The following NALF1 variants were observed in gnomAD, a reference collection of about 807,000 sequenced individuals.
The protein encoded by NALF1 is NALCN channel auxiliary factor 1.
Under a neutral mutation model 48.4 loss-of-function variants are expected in NALF1, and 3 were observed. The ratio of observed to expected loss-of-function variants is 0.06; its 90% CI spans 0.03 to 0.16. The LOEUF is 0.16. Among genes scored for constraint, NALF1 ranks in the 10% least tolerant of loss-of-function variants. The pLI, the probability that NALF1 is intolerant of heterozygous loss-of-function variation, is 1.00. For missense variants in NALF1, 526 were observed against 571.5 expected, an observed-to-expected ratio of 0.92 and a Z score of 0.81; for synonymous variants, 262 against 245.7, an observed-to-expected ratio of 1.07 and a Z score of -0.62.
chr13:107,234,687 G>C (rs1478413585), intron 1 of NALF1, among the ~76,000 whole-genome samples: 3 of 148,980 alleles, frequency 2.0e-5, no homozygotes, highest in Non-Finnish European at 4.4e-5. Flanking sequence ...CCTTGCTACT[G>C]TATCCAGCAT....
chr13:107,533,953 T>C (rs1054359948), intron 1 of NALF1, among the ~76,000 whole-genome samples: 1 of 152,166 alleles, frequency 6.6e-6, no homozygotes. Context: ...AGATCTATTA[T>C]GACTTGGGGA....
chr13:107,821,855 C>T (rs1286888567), intron 1 of NALF1, among the ~76,000 whole-genome samples: 3 of 152,134 alleles, frequency 2.0e-5, no homozygotes, highest in African/African-American at 7.2e-5. Flanking sequence ...CTTTAAACAA[C>T]TTATCTGTAT....
At chr13:107,796,161 T>G (rs139566177) in intron 1 of NALF1, among the ~76,000 whole-genome samples, 12 of 152,248 alleles carry the variant, frequency 7.9e-5, no homozygotes, top group Middle Eastern at 3.4e-3. Flanking sequence ...CCCTTAAATA[T>G]ATTTCCCTCT....
intron 1 of NALF1, among the ~76,000 whole-genome samples, chr13:107,550,839 T>C (rs1334905371): frequency 6.6e-6 from 1 of 152,088 alleles, no homozygotes; most frequent in African/African-American, 2.4e-5. Context: ...GTTCAAATAT[T>C]CTGATCTGGA....
chr13:107,695,161 T>G (rs1038017389), intron 1 of NALF1, among the ~76,000 whole-genome samples: 3 of 152,126 alleles, frequency 2.0e-5, no homozygotes, highest in Non-Finnish European at 4.4e-5. Flanking sequence ...CCTTACCCTC[T>G]AAGCCTCAGT....
chr13:107,391,806 C>T (rs1883632331), intron 1 of NALF1, among the ~76,000 whole-genome samples: 1 of 152,094 alleles, frequency 6.6e-6, no homozygotes, highest in East Asian at 1.9e-4. Flanking sequence ...CAATATATTT[C>T]TTAAATATAT....
intron 1 of NALF1, among the ~76,000 whole-genome samples, chr13:107,214,649 G>A (rs1879835334): frequency 6.6e-6 from 1 of 152,010 alleles, no homozygotes; most frequent in African/African-American, 2.4e-5. Flanking sequence ...CCGCCCCCAC[G>A]CTCCTCCACT....
intron 1 of NALF1, among the ~76,000 whole-genome samples, chr13:107,552,611 A>G (rs1290880997): frequency 2.0e-5 from 3 of 152,130 alleles, no homozygotes; most frequent in Non-Finnish European, 4.4e-5. Flanking sequence ...TACAGGCACC[A>G]CGGAGTCCCC....
At chr13:107,435,466 T>C (rs928290963) in intron 1 of NALF1, among the ~76,000 whole-genome samples, 2 of 152,200 alleles carry the variant, frequency 1.3e-5, no homozygotes, top group Non-Finnish European at 2.9e-5. Flanking sequence ...GTGAATCTGT[T>C]TCTTAAACGG....
In NALF1 at chr13:107,577,739, G is replaced by A. The variant is rs189087997; in HGVS notation, c.915+287943C>T. 4.6e-5 allele frequency among the ~76,000 whole-genome samples: 7 copies of A among 152,060 alleles called. No individual in the cohort carries two copies. The East Asian group carries it at 1.2e-3, about 25-fold the overall frequency. On this transcript the variant is annotated intron_variant, in intron 1 of 2. Coordinates refer to ENST00000375915, the MANE Select transcript of NALF1 (RefSeq NM_001080396.3). ...ACCTGTATGTTGTAAAGACCACCCC[G>A]TTCTTGAAACTCTCCCACCCAAGCC... is the stretch of plus-strand genomic sequence containing the variant.
intron 1 of NALF1, among the ~76,000 whole-genome samples, chr13:107,582,979 C>A (rs75380317): frequency 1.3e-5 from 2 of 152,098 alleles, no homozygotes; most frequent in Non-Finnish European, 2.9e-5. Flanking sequence ...CTTTTCCCCC[C>A]TCTCTGGAAG....
chr13:107,200,412 C>A (rs1430189382), intron 2 of NALF1, among the ~76,000 whole-genome samples: 2 of 152,146 alleles, frequency 1.3e-5, no homozygotes, highest in African/African-American at 4.8e-5. Flanking sequence ...GGTTAAGGAG[C>A]TTGCAGACTC....
At chr13:107,723,472 AT>A (rs1454236520) in intron 1 of NALF1, among the ~76,000 whole-genome samples, 1 of 152,202 alleles carries the variant, frequency 6.6e-6, no homozygotes, top group African/African-American at 2.4e-5. Flanking sequence ...TTCAATAATT[AT>A]TTGCTGAATG....
chr13:107,553,937 C>G (rs756258567), intron 1 of NALF1, among the ~76,000 whole-genome samples: 1 of 152,206 alleles, frequency 6.6e-6, no homozygotes, highest in Non-Finnish European at 1.5e-5. Context: ...TTTAAAAGAG[C>G]ATATCCATGC....
intron 1 of NALF1, among the ~76,000 whole-genome samples, chr13:107,788,068 C>T (rs1443573069): frequency 1.3e-5 from 2 of 152,164 alleles, no homozygotes; most frequent in Non-Finnish European, 2.9e-5. Context: ...ACCATCTAGA[C>T]ATTTGGGTCA....
intron 1 of NALF1, among the ~76,000 whole-genome samples, chr13:107,289,142 G>A (rs974878999): frequency 1.3e-5 from 2 of 152,130 alleles, no homozygotes; most frequent in Non-Finnish European, 2.9e-5. Context: ...GCTTTAGAGA[G>A]TTTTCTCCAT....
intron 1 of NALF1, among the ~76,000 whole-genome samples, chr13:107,692,509 G>T (rs1881590385): frequency 6.6e-6 from 1 of 151,974 alleles, no homozygotes; most frequent in South Asian, 2.1e-4. Context: ...TGCCAATCTG[G>T]CCCAGCTTGA....
At chr13:107,288,497 G>C (rs1206947696) in intron 1 of NALF1, among the ~76,000 whole-genome samples, 1 of 151,288 alleles carries the variant, frequency 6.6e-6, no homozygotes, top group African/African-American at 2.4e-5. Context: ...TGGGATTACA[G>C]GCGTGAGCCA....
At chr13:107,451,668 C>T (rs1884742458) in intron 1 of NALF1, among the ~76,000 whole-genome samples, 1 of 152,158 alleles carries the variant, frequency 6.6e-6, no homozygotes, top group Non-Finnish European at 1.5e-5. Context: ...TTTCCCTTTC[C>T]CAGAAAAACA....
Sources: gnomAD v4.1 joint callset for allele counts (sites outside exome capture counted in the v4.1 genomes callset) on GRCh38, gnomAD v4.1.1 for gene constraint, MANE v1.5 for transcripts, NCBI Gene and HGNC (gene_info 2026-07-23, HGNC 2026-07-21) for gene names.